The following KIF6 variants were observed in gnomAD, a reference collection of about 807,000 sequenced individuals.
The protein encoded by KIF6 is kinesin family member 6.
KIF6 carries 106 observed loss-of-function variants against 112.7 expected under a neutral mutation model. That is an observed-to-expected ratio of 0.94 (90% CI 0.80 to 1.11). The LOEUF (loss-of-function observed/expected upper bound fraction) is 1.11. KIF6 is among the 50% of genes least tolerant of loss of function. The pLI is 0.00. For synonymous variants in KIF6, 339 were observed against 339.9 expected (o/e 1.00, Z 0.03); for missense variants, 929 against 964.0 (o/e 0.96, Z 0.48).
intron 13 of KIF6, among the ~76,000 whole-genome samples, chr6:39,475,012 T>A (rs1774340847): frequency 6.6e-6 from 1 of 152,262 alleles, no homozygotes; most frequent in Non-Finnish European, 1.5e-5. Flanking sequence ...TCTCTTGCAT[T>A]TCTCAATGCT....
intron 10 of KIF6, among the ~76,000 whole-genome samples, chr6:39,572,660 T>C (rs62403287): frequency 5.0e-5 from 2 of 39,694 alleles, no homozygotes; most frequent in African/African-American, 3.2e-4. Context: ...ATCTACAGGC[T>C]TTTTTTTTTT....
At chr6:39,505,660 C>G (rs1439551472) in intron 13 of KIF6, among the ~76,000 whole-genome samples, 5 of 151,928 alleles carry the variant, frequency 3.3e-5, no homozygotes, top group African/African-American at 7.2e-5. Context: ...TAGAAGAAAA[C>G]AACCAAACAA....
At chr6:39,357,675 C>G (rs1438302833) in intron 18 of KIF6, among the ~76,000 whole-genome samples, 1 of 152,168 alleles carries the variant, frequency 6.6e-6, no homozygotes, top group Admixed American at 6.5e-5. Context: ...TCTCGAACTC[C>G]TGACCTCAGT....
At chr6:39,708,333 G>C (rs1268941784) in intron 3 of KIF6, among the ~76,000 whole-genome samples, 3 of 152,242 alleles carry the variant, frequency 2.0e-5, no homozygotes, top group Non-Finnish European at 2.9e-5. Flanking sequence ...AGTAAGAAGA[G>C]AGTGAAGGAA....
At chr6:39,566,283 C>T (rs1780270257) in intron 10 of KIF6, among the ~76,000 whole-genome samples, 1 of 152,148 alleles carries the variant, frequency 6.6e-6, no homozygotes, top group African/African-American at 2.4e-5. Context: ...TATAAACACA[C>T]ACATTTGCAA....
At chr6:39,434,189 G>T (rs946402579) in intron 13 of KIF6, among the ~76,000 whole-genome samples, 1 of 152,076 alleles carries the variant, frequency 6.6e-6, no homozygotes, top group Non-Finnish European at 1.5e-5. Context: ...ATTGTGCTAG[G>T]CATGTGACAG....
intron 19 of KIF6, among the ~76,000 whole-genome samples, chr6:39,355,859 C>T (rs1384472326): frequency 1.3e-5 from 2 of 151,956 alleles, no homozygotes; most frequent in Admixed American, 1.3e-4. Flanking sequence ...TCCCATGTAG[C>T]CTGTACCCAG....
chr6:39,354,074 C>T (rs1764459502), intron 19 of KIF6: 10 of 308,090 alleles, frequency 3.2e-5, no homozygotes, highest in South Asian at 2.9e-4. Flanking sequence ...GTCACGTGGA[C>T]ATTTGCTCCC....
rs80065169 is a variant in KIF6 at position 39,601,153 on chromosome 6, A to G, written c.640-4893T>C. Among the ~76,000 whole-genome samples the G allele has an allele frequency of 1.8e-3, 268 of 152,226 alleles. 1 individual carries two copies. Among genetic ancestry groups the G allele is most frequent in the African/African-American group, 5.8e-3 (242 of 41,554 alleles). On this transcript the variant is annotated intron_variant, in intron 6 of 22. Transcript: ENST00000287152. Reference sequence around the variant, plus strand: ...ATTGTCATTAAAATGTCTTACCAGCATCTTGTACATAATGTTCCCAAAACA... The same window carrying G: ...ATTGTCATTAAAATGTCTTACCAGCGTCTTGTACATAATGTTCCCAAAACA...
chr6:39,421,700 G>A (rs910109558), intron 14 of KIF6, among the ~76,000 whole-genome samples: 1 of 152,184 alleles, frequency 6.6e-6, no homozygotes, highest in African/African-American at 2.4e-5. Context: ...AGTTTCTTGG[G>A]ACTCCGCCCC....
Position 39,343,341 on chromosome 6 carries a change from G to A in KIF6, c.2428+368C>T, listed in dbSNP as rs1255223746. Reference sequence around the variant, plus strand: ...TGAGACTTTAAGCCAGGGGTTCAACGAGTTACCAAAACATCACTCAGCCCC... The same window carrying A: ...TGAGACTTTAAGCCAGGGGTTCAACAAGTTACCAAAACATCACTCAGCCCC... On this transcript the variant is annotated intron_variant, in intron 22 of 22. Transcript: ENST00000287152. This position sits in a 1 kb window ranked among gnomAD's most constrained non-coding sequence, Gnocchi z 4.1. 6 of 1,301,286 alleles carry A rather than the reference G, an allele frequency of 4.6e-6. No individual in the cohort carries two copies. The highest frequency in any genetic ancestry group is 6.0e-6 in the Non-Finnish European group (6 of 996,756). The allele number at this position is 1,301,286 out of a possible 1,614,324, so 80.6% of individuals were successfully genotyped here. A position where few individuals can be genotyped will look rare whatever the true frequency, so the allele number is the denominator to read the frequency against.
Position 39,378,083 on chromosome 6 carries a change from C to T in KIF6, c.1861+7539G>A, listed in dbSNP as rs991910330. On this transcript the variant is annotated intron_variant, in intron 16 of 22. Transcript: ENST00000287152. This position sits in a 1 kb window ranked among gnomAD's most constrained non-coding sequence, Gnocchi z 5.0. ...TCTATAACAGTATATGAAACATGCT[C>T]GCTGTCGAGGAAATGGGATGTTCCA... 4.6e-5 allele frequency among the ~76,000 whole-genome samples: 7 copies of T among 152,080 alleles called. No individual in the cohort carries two copies. Among genetic ancestry groups the T allele is most frequent in the Admixed American group, 1.3e-4 (2 of 15,270 alleles).
At chr6:39,510,094 CTT>C (rs70984130) in intron 13 of KIF6, among the ~76,000 whole-genome samples, 126 of 131,488 alleles carry the variant, frequency 9.6e-4, no homozygotes, top group African/African-American at 2.0e-3. Context: ...CTTTTCTTTT[CTT>C]TTTTTTTTTT....
At chr6:39,663,206 C>T (rs1236471161) in intron 3 of KIF6, among the ~76,000 whole-genome samples, 1 of 152,138 alleles carries the variant, frequency 6.6e-6, no homozygotes, top group African/African-American at 2.4e-5. Flanking sequence ...TTAGAGCAAC[C>T]AGTCACAGGA....
intron 13 of KIF6, among the ~76,000 whole-genome samples, chr6:39,492,005 A>G (rs1775506415): frequency 6.6e-6 from 1 of 152,208 alleles, no homozygotes; most frequent in African/African-American, 2.4e-5. Context: ...AAGGATCCGG[A>G]ACAGCCTTTT....
chr6:39,511,631 A>G (rs1217244246), intron 13 of KIF6, among the ~76,000 whole-genome samples: 1 of 152,238 alleles, frequency 6.6e-6, no homozygotes, highest in Non-Finnish European at 1.5e-5. Flanking sequence ...TACTATAAAG[A>G]CACATGCACA....
chr6:39,343,788 G>C lies in KIF6; in HGVS notation c.2349C>G (p.Ile783Met). 1 of 1,612,476 alleles carries C rather than the reference G, an allele frequency of 6.2e-7. No individual in the cohort carries two copies. Among genetic ancestry groups the C allele is most frequent in the Non-Finnish European group, 8.5e-7 (1 of 1,179,276 alleles). ...CCGTCTGGCTGTCTCCGGTGAGAGG[G>C]ATGGACGACACTGGCCTCTTGGGGA... ...DSIPKRPVSS[I>M]PLTGDSQTDS... The change falls in exon 22 of 23, where the codon ATC (isoleucine) becomes ATG (methionine). Residue 783 changes from isoleucine to methionine, a missense_variant. Physicochemically the swap from Ile to Met is conservative, Grantham distance 10. Coordinates refer to ENST00000287152, the MANE Select transcript of KIF6 (RefSeq NM_145027.6). This position sits in a 1 kb window ranked among gnomAD's most constrained non-coding sequence, Gnocchi z 4.1.
intron 9 of KIF6, chr6:39,583,460 T>C (rs1781410045): frequency 2.1e-6 from 1 of 471,526 alleles, no homozygotes; most frequent in South Asian, 1.5e-5. Context: ...GAGAACTCCA[T>C]CAGAGGAGCT....
chr6:39,544,440 G>T, intron 12 of KIF6, 115 bp downstream of exon 12: 1 of 1,056,006 alleles, frequency 9.5e-7, no homozygotes, highest in Non-Finnish European at 1.3e-6. Flanking sequence ...ATGGAAAGAA[G>T]CAATGTGAAA....
Sources: gnomAD v4.1 joint callset for allele counts (sites outside exome capture counted in the v4.1 genomes callset) on GRCh38, gnomAD v4.1.1 for gene constraint, Gnocchi (gnomAD v3.1) non-coding constraint, MANE v1.5 for transcripts, NCBI Gene and HGNC (gene_info 2026-07-23, HGNC 2026-07-21) for gene names.